ADGRL3: variants seen among roughly 807,000 people sequenced by gnomAD.
ADGRL3 encodes adhesion G protein-coupled receptor L3.
A neutral mutation model predicts 153.5 loss-of-function variants in ADGRL3; 62 were observed. The ratio of observed to expected loss-of-function variants is 0.40; its 90% CI spans 0.33 to 0.50. The LOEUF is 0.50. ADGRL3 is among the 20% of genes least tolerant of loss of function. ADGRL3 has a pLI of 0.47. For missense variants in ADGRL3, 1,641 were observed against 1,859.4 expected, an observed-to-expected ratio of 0.88 and a Z score of 2.16; for synonymous variants, 710 against 672.5, an observed-to-expected ratio of 1.06 and a Z score of -0.86.
In ADGRL3 at chr4:61,575,311, C is replaced by G. The variant is rs545345338; in HGVS notation, c.260-11916C>G. On this transcript the variant is annotated intron_variant, in intron 4 of 26. Transcript: ENST00000683033. ...TTTTGAATAACATAGAGAACAGATG[C>G]TTTATGAGATTTTAAATTTGTGTTC... 2.6e-5 allele frequency among the ~76,000 whole-genome samples: 4 copies of G among 151,992 alleles called. No individual in the cohort carries two copies. In the South Asian group the frequency reaches 8.3e-4, roughly 32 times the overall value.
intron 2 of ADGRL3, among the ~76,000 whole-genome samples, chr4:61,468,536 A>C (rs2152666243): frequency 6.6e-6 from 1 of 152,310 alleles, no homozygotes; most frequent in Middle Eastern, 3.4e-3. Flanking sequence ...ACTTTATCAA[A>C]GCCTTAACCT....
intron 1 of ADGRL3, among the ~76,000 whole-genome samples, chr4:61,308,343 C>T (rs746595346): frequency 6.6e-5 from 10 of 152,182 alleles, no homozygotes; most frequent in African/African-American, 1.4e-4. Flanking sequence ...TACACCAGCA[C>T]TTCCCTGGAA....
intron 1 of ADGRL3, among the ~76,000 whole-genome samples, chr4:61,237,641 A>G (rs1397877280): frequency 1.3e-5 from 2 of 152,218 alleles, no homozygotes; most frequent in Non-Finnish European, 2.9e-5. Flanking sequence ...AAAGCAAAAA[A>G]TTAGCTGTAA....
intron 6 of ADGRL3, among the ~76,000 whole-genome samples, chr4:61,695,793 T>A (rs908019364): frequency 2.0e-5 from 3 of 152,314 alleles, no homozygotes; most frequent in Admixed American, 2.0e-4. Context: ...ATGTGCTGTT[T>A]TATTGACTTT....
At chr4:61,457,168 A>C (rs918811271) in intron 2 of ADGRL3, among the ~76,000 whole-genome samples, 6 of 152,008 alleles carry the variant, frequency 3.9e-5, no homozygotes, top group Admixed American at 1.3e-4. Flanking sequence ...ATGATTTGAA[A>C]ATTTATAATG....
chr4:61,806,582 G>T (rs1358120643), intron 8 of ADGRL3, among the ~76,000 whole-genome samples: 1 of 151,970 alleles, frequency 6.6e-6, no homozygotes, highest in African/African-American at 2.4e-5. Flanking sequence ...AACAGAATTT[G>T]AGTATAGAGC....
chr4:61,931,296 A>G (rs985104108), intron 13 of ADGRL3, among the ~76,000 whole-genome samples: 1 of 152,176 alleles, frequency 6.6e-6, no homozygotes, highest in Middle Eastern at 3.2e-3. Flanking sequence ...TTCCTTCCAG[A>G]TTTCAATTCA....
At chr4:61,291,600 A>G (rs1268402887) in intron 1 of ADGRL3, among the ~76,000 whole-genome samples, 13 of 9,260 alleles carry the variant, frequency 1.4e-3, no homozygotes, top group African/African-American at 2.9e-3. Context: ...ATATATATAT[A>G]TATACACACA....
At chr4:61,269,297 T>A (rs1023515903) in intron 1 of ADGRL3, among the ~76,000 whole-genome samples, 7 of 151,638 alleles carry the variant, frequency 4.6e-5, no homozygotes, top group African/African-American at 1.7e-4. Flanking sequence ...CCTTCTTCCT[T>A]TTCTCTGGTG....
intron 21 of ADGRL3, among the ~76,000 whole-genome samples, chr4:62,026,649 CA>C (rs1718762919): frequency 6.6e-6 from 1 of 151,514 alleles, no homozygotes; most frequent in African/African-American, 2.4e-5. Flanking sequence ...AACACAGGGG[CA>C]GGGGAAAGAA....
At chr4:62,060,565 C>CT (rs1019467035) in intron 25 of ADGRL3, among the ~76,000 whole-genome samples, 58 of 151,766 alleles carry the variant, frequency 3.8e-4, no homozygotes, top group Middle Eastern at 3.4e-3. Context: ...ACTAATTTTA[C>CT]TTTTTTACTT....
intron 2 of ADGRL3, among the ~76,000 whole-genome samples, chr4:61,404,069 G>T (rs964399240): frequency 5.3e-5 from 8 of 151,968 alleles, no homozygotes; most frequent in African/African-American, 1.9e-4. Context: ...TATAATATCT[G>T]TACTGTGCCA....
intron 2 of ADGRL3, among the ~76,000 whole-genome samples, chr4:61,388,093 A>G (rs1051724578): frequency 3.3e-5 from 5 of 152,022 alleles, no homozygotes; most frequent in South Asian, 2.1e-4. Flanking sequence ...CTCTCCCACT[A>G]TCAGCTCTGG....
At chr4:61,510,717 G>T (rs1345320400) in intron 3 of ADGRL3, among the ~76,000 whole-genome samples, 2 of 152,094 alleles carry the variant, frequency 1.3e-5, no homozygotes, top group African/African-American at 4.8e-5. Context: ...TGTTCTTTTT[G>T]CTGAGGATTG....
At chr4:61,607,020 AGTT>A (rs1184033118) in intron 5 of ADGRL3, among the ~76,000 whole-genome samples, 2 of 152,166 alleles carry the variant, frequency 1.3e-5, no homozygotes, top group Non-Finnish European at 2.9e-5. Context: ...GTAAAGAAAG[AGTT>A]AAATTAACAC....
intron 1 of ADGRL3, among the ~76,000 whole-genome samples, chr4:61,243,498 G>A (rs1424126881): frequency 1.3e-5 from 2 of 152,124 alleles, no homozygotes; most frequent in East Asian, 3.9e-4. Context: ...TTTCTAGGAT[G>A]TTTTTGTCTT....
intron 21 of ADGRL3, among the ~76,000 whole-genome samples, chr4:62,026,834 A>G (rs1718896965): frequency 6.6e-6 from 1 of 152,044 alleles, no homozygotes; most frequent in African/African-American, 2.4e-5. Context: ...AAAAATTGAT[A>G]ACTATGTGAG....
At chr4:61,697,889 G>T (rs2095670224) in intron 6 of ADGRL3, among the ~76,000 whole-genome samples, 1 of 152,134 alleles carries the variant, frequency 6.6e-6, no homozygotes, top group South Asian at 2.1e-4. Flanking sequence ...AAAAAATTCT[G>T]TTACATGAAG....
chr4:61,646,538 G>T lies in ADGRL3; in HGVS notation c.474-30288G>T, dbSNP rs558669770. 3.1e-3 allele frequency among the ~76,000 whole-genome samples: 474 copies of T among 150,948 alleles called. 4 individuals are homozygous for T. Among genetic ancestry groups the T allele is most frequent in the Non-Finnish European group, 4.6e-3 (316 of 68,014 alleles). The stretch of plus-strand genomic sequence containing the variant: ...CAGGTCTGTTGGAGTACTGGGCCCT[G>T]TGAGGTGTCAGTCTGCCCGTACTGA... On this transcript the variant is annotated intron_variant, in intron 5 of 26. Transcript: ENST00000683033.
Sources: gnomAD v4.1 joint callset for allele counts (sites outside exome capture counted in the v4.1 genomes callset) on GRCh38, gnomAD v4.1.1 for gene constraint, MANE v1.5 for transcripts, NCBI Gene and HGNC (gene_info 2026-07-23, HGNC 2026-07-21) for gene names.